IQCE: variants seen among roughly 807,000 people sequenced by gnomAD.
The protein encoded by IQCE is IQ motif containing E, also known as IQ domain-containing protein E.
A neutral mutation model predicts 96.0 loss-of-function variants in IQCE; 115 were observed. That is an observed-to-expected ratio of 1.20 (90% CI 1.03 to 1.40). The LOEUF is 1.40. Ranked by LOEUF, IQCE falls within the 40% of genes most tolerant of loss-of-function variation. The pLI is 0.00. For missense variants in IQCE, 1,041 were observed against 909.1 expected (o/e 1.15, Z -1.87); for synonymous variants, 412 against 371.2 (o/e 1.11, Z -1.26).
At position 2,590,116 on chromosome 7, in the gene IQCE, C is replaced by T. The variant is rs1783469703; in HGVS notation, c.1244+10C>T. The T allele has an allele frequency of 5.6e-6, 9 of 1,605,770 alleles. No individual in the cohort carries two copies. Among genetic ancestry groups the T allele is most frequent in the Non-Finnish European group, 7.7e-6 (9 of 1,175,266 alleles). On this transcript the variant is annotated intron_variant, in intron 14 of 21. Coordinates refer to ENST00000402050, the MANE Select transcript of IQCE (RefSeq NM_152558.5). ...AGCTGCTGCAGAGAGAGTAGGTCCT[C>T]CCAAGGCCCCGCCAGTGTCCCCACG...
rs151062693 is a variant in IQCE at position 2,602,387 on chromosome 7, A to C, written c.1632+923A>C. Among the ~76,000 whole-genome samples the C allele has an allele frequency of 7.9e-5, 12 of 152,308 alleles. No homozygotes were observed. The East Asian group carries it at 2.3e-3, about 29-fold the overall frequency. Reference sequence around the variant, plus strand: ...GAAAGTGAGATCTTTATTTTGCTGGAGTCCTGGTGGCCTCTGAGATGCTCC... The same window carrying C: ...GAAAGTGAGATCTTTATTTTGCTGGCGTCCTGGTGGCCTCTGAGATGCTCC... On this transcript the variant is annotated intron_variant, in intron 18 of 21. Coordinates refer to ENST00000402050, the MANE Select transcript of IQCE (RefSeq NM_152558.5).
intron 14 of IQCE, among the ~76,000 whole-genome samples, chr7:2,591,185 C>T (rs116839337): frequency 0.019 from 2,858 of 151,698 alleles, 97 homozygotes; most frequent in African/African-American, 0.065. Context: ...CCTGGGAAGT[C>T]GAGGCTGCCG....
intron 17 of IQCE, 127 bp downstream of exon 17, chr7:2,598,759 C>T (rs1784241083): frequency 1.3e-6 from 1 of 799,728 alleles, no homozygotes; most frequent in East Asian, 3.2e-5. Context: ...AGCACCGTAA[C>T]ATACAGAAAA....
Position 2,571,424 on chromosome 7 carries a change from G to C in IQCE, c.131-102G>C, listed in dbSNP as rs895288700. ...CAGAATGTTTGACTAGAGTCACCACGCTCGTGGATTTTGTTTTCCTATTTC... is the reference window on the plus strand; with the variant it reads ...CAGAATGTTTGACTAGAGTCACCACCCTCGTGGATTTTGTTTTCCTATTTC... On this transcript the variant is annotated intron_variant, in intron 3 of 21. Coordinates refer to ENST00000402050, the MANE Select transcript of IQCE (RefSeq NM_152558.5). 7.5e-6 allele frequency: 11 copies of C among 1,464,444 alleles called. No homozygotes were observed. In the African/African-American group the frequency reaches 1.3e-4, roughly 17 times the overall value. The allele number at this position is 1,464,444 out of a possible 1,614,324, so 90.7% of individuals were successfully genotyped here.
chr7:2,578,540 G>A lies in IQCE; in HGVS notation c.630+14G>A. The A allele has an allele frequency of 6.2e-7, 1 of 1,613,976 alleles. No homozygotes were observed. The highest frequency in any genetic ancestry group is 8.5e-7 in the Non-Finnish European group (1 of 1,179,886). On this transcript the variant is annotated intron_variant, in intron 8 of 21. Coordinates refer to ENST00000402050, the MANE Select transcript of IQCE (RefSeq NM_152558.5). ...GATGCCAGTTGGGTGAGTATGGTGT[G>A]TGCAGGACAGAGCCTTTCCCCAGAC...
At chr7:2,567,244 G>A (rs1781448194) in intron 2 of IQCE, 81 bp downstream of exon 2, 4 of 1,085,300 alleles carry the variant, frequency 3.7e-6, no homozygotes, top group Non-Finnish European at 4.2e-6. Flanking sequence ...GCGTAAAATA[G>A]GCCGTTCTCC....
intron 6 of IQCE, among the ~76,000 whole-genome samples, chr7:2,576,463 T>C (rs1233355358): frequency 6.6e-6 from 1 of 151,668 alleles, no homozygotes; most frequent in South Asian, 2.1e-4. Flanking sequence ...TAGGCTGGAG[T>C]GTAGTGGTGC....
At position 2,605,069 on chromosome 7, in the gene IQCE, A is replaced by G. The variant is rs547221972; in HGVS notation, c.1743+78A>G. ...CGCACTCCATCCATCGAGAAAGCGT[A>G]GGGCACCCCTCAGCCTCCACATCCC... On this transcript the variant is annotated intron_variant, in intron 19 of 21. Transcript: ENST00000402050. 801 of 1,041,426 alleles carry G rather than the reference A, an allele frequency of 7.7e-4. 14 individuals are homozygous for G. The South Asian group carries it at 0.011, about 14-fold the overall frequency. The allele number at this position is 1,041,426 out of a possible 1,614,324, so 64.5% of individuals were successfully genotyped here. A position where few individuals can be genotyped will look rare whatever the true frequency, so the allele number is the denominator to read the frequency against.
chr7:2,594,785 C>A, intron 15 of IQCE, 101 bp from the exon 16 acceptor site: 1 of 806,688 alleles, frequency 1.2e-6, no homozygotes, highest in South Asian at 1.4e-5. Flanking sequence ...TGCCTGGTGT[C>A]CCCCTGTCTC....
chr7:2,586,477 A>T, intron 12 of IQCE, 106 bp downstream of exon 12: 1 of 1,266,962 alleles, frequency 7.9e-7, no homozygotes, highest in Non-Finnish European at 1.1e-6. Flanking sequence ...ACGAGGGCAG[A>T]TGTGAACCCT....
rs780582275 is a variant in IQCE, at chr7:2,610,213, G to A, written c.*51G>A. 1 of 1,029,940 alleles carries A rather than the reference G, an allele frequency of 9.7e-7. No homozygotes were observed. The highest frequency in any genetic ancestry group is 1.7e-5 in the Admixed American group (1 of 58,920). The allele number at this position is 1,029,940 out of a possible 1,614,324, so 63.8% of individuals were successfully genotyped here. ...GATGGCAGCGCTGCCGAGGACATAG[G>A]AACCACGACTGGAAAGATAATTTAT... On this transcript the variant is annotated 3_prime_UTR_variant, in exon 22 of 22. Transcript: ENST00000402050.
chr7:2,575,547 G>A (rs1156805812), intron 6 of IQCE, among the ~76,000 whole-genome samples: 4 of 152,200 alleles, frequency 2.6e-5, no homozygotes, highest in African/African-American at 9.6e-5. Context: ...CAGTGCGGGA[G>A]GGGAGGGTAC....
chr7:2,567,854 G>A (rs779469309), intron 2 of IQCE, among the ~76,000 whole-genome samples: 2 of 152,136 alleles, frequency 1.3e-5, no homozygotes, highest in Non-Finnish European at 2.9e-5. Flanking sequence ...ACCTCTGTTC[G>A]CAAAGTTAAG....
At chr7:2,589,476 G>C (rs575610784) in intron 13 of IQCE, among the ~76,000 whole-genome samples, 1 of 152,184 alleles carries the variant, frequency 6.6e-6, no homozygotes, top group Non-Finnish European at 1.5e-5. Context: ...TCCAAGATCC[G>C]GGAGAGGCAG....
At chr7:2,569,147 G>A (rs753022971) in intron 3 of IQCE, 148 bp downstream of exon 3, 7 of 709,594 alleles carry the variant, frequency 9.9e-6, no homozygotes, top group Middle Eastern at 3.7e-4. Flanking sequence ...CTCCCAGTTC[G>A]CGCTGGAGTC....
intron 11 of IQCE, 120 bp downstream of exon 11, chr7:2,584,405 C>T: frequency 1.1e-6 from 1 of 886,696 alleles, no homozygotes; most frequent in Non-Finnish European, 1.9e-6. Flanking sequence ...GGCAGTGCTG[C>T]CAACACTGCA....
At chr7:2,566,888 G>A (rs1455658833) in intron 1 of IQCE, among the ~76,000 whole-genome samples, 2 of 152,188 alleles carry the variant, frequency 1.3e-5, no homozygotes, top group African/African-American at 4.8e-5. Flanking sequence ...ACATTTGCAC[G>A]CCTGCTGGGC....
chr7:2,578,447 G>C (rs377371574), intron 7 of IQCE, 29 bp from the exon 8 acceptor site: 1 of 1,613,966 alleles, frequency 6.2e-7, no homozygotes, highest in Non-Finnish European at 8.5e-7. Flanking sequence ...ACCGAAGGCC[G>C]TCTTCATGTC....
chr7:2,604,742 A>G (rs937975368), intron 18 of IQCE, 139 bp from the exon 19 acceptor site: 1 of 624,652 alleles, frequency 1.6e-6, no homozygotes, highest in Non-Finnish European at 2.9e-6. Context: ...CGGCTCTTTG[A>G]GAGAACGTGG....
Sources: gnomAD v4.1 joint callset for allele counts (sites outside exome capture counted in the v4.1 genomes callset) on GRCh38, gnomAD v4.1.1 for gene constraint, MANE v1.5 for transcripts, NCBI Gene and HGNC (gene_info 2026-07-23, HGNC 2026-07-21) for gene names.